BMPR1A: variants seen among roughly 807,000 people sequenced by gnomAD.
BMPR1A encodes the protein bone morphogenetic protein receptor type-1A.
Under a neutral mutation model 66.0 loss-of-function variants are expected in BMPR1A, and 7 were observed. The ratio of observed to expected loss-of-function variants is 0.11; its 90% CI spans 0.06 to 0.20. BMPR1A has a LOEUF of 0.20. BMPR1A is among the 10% of genes least tolerant of loss of function. The pLI, the probability that BMPR1A is intolerant of heterozygous loss-of-function variation, is 1.00. For synonymous variants in BMPR1A, 200 were observed against 229.7 expected (o/e 0.87, Z 1.17); for missense variants, 408 against 669.1 (o/e 0.61, Z 4.31).
chr10:86,877,345 T>C (rs7071962), intron 3 of BMPR1A, among the ~76,000 whole-genome samples: 38,760 of 151,546 alleles, frequency 0.26, 8,548 homozygotes, highest in African/African-American at 0.6. Flanking sequence ...GTAGCTGGGA[T>C]TACAGGCGCC....
chr10:86,760,616 A>G (rs1329775365), intron 1 of BMPR1A, among the ~76,000 whole-genome samples: 1 of 152,130 alleles, frequency 6.6e-6, no homozygotes, highest in Non-Finnish European at 1.5e-5. Context: ...TTGCATATTA[A>G]AAGGAATAAA....
chr10:86,778,245 G>T (rs1040498588), intron 1 of BMPR1A, among the ~76,000 whole-genome samples: 3 of 150,820 alleles, frequency 2.0e-5, no homozygotes, highest in African/African-American at 7.3e-5. Flanking sequence ...TTTTTTTTTG[G>T]TAGCTCATCA....
At chr10:86,877,411 G>A (rs911933301) in intron 3 of BMPR1A, among the ~76,000 whole-genome samples, 3 of 152,142 alleles carry the variant, frequency 2.0e-5, no homozygotes, top group Admixed American at 1.3e-4. Flanking sequence ...GTTTCACCGT[G>A]TTAGCCAGGA....
At chr10:86,772,604 T>G (rs1418258821) in intron 1 of BMPR1A, among the ~76,000 whole-genome samples, 1 of 152,082 alleles carries the variant, frequency 6.6e-6, no homozygotes, top group Non-Finnish European at 1.5e-5. Context: ...TGAAAGTGAT[T>G]AAGTCCATCT....
At chr10:86,821,782 C>G (rs1401505865) in intron 1 of BMPR1A, among the ~76,000 whole-genome samples, 2 of 151,748 alleles carry the variant, frequency 1.3e-5, no homozygotes, top group Non-Finnish European at 2.9e-5. Context: ...TTTTTTCTCC[C>G]CCCTCCCCCT....
In BMPR1A at chr10:86,870,251, C is replaced by T. The variant is rs1415962418; in HGVS notation, c.-152-5616C>T. 2.0e-5 allele frequency among the ~76,000 whole-genome samples: 3 copies of T among 152,310 alleles called. No individual in the cohort carries two copies. The East Asian group carries it at 5.8e-4, about 29-fold the overall frequency. ...GTTTCAGAACCAAATGCCCGTTAGA[C>T]ATTCCCTTTGGGTAATCTCAGATCT... On this transcript the variant is annotated intron_variant, in intron 2 of 12. Transcript: ENST00000372037.
At chr10:86,803,023 A>G (rs1841834026) in intron 1 of BMPR1A, among the ~76,000 whole-genome samples, 1 of 136,906 alleles carries the variant, frequency 7.3e-6, no homozygotes, top group Non-Finnish European at 1.6e-5. Context: ...AAAAAAAAAA[A>G]AGACCCTAAG....
At chr10:86,870,323 T>C (rs992801296) in intron 2 of BMPR1A, among the ~76,000 whole-genome samples, 2 of 152,198 alleles carry the variant, frequency 1.3e-5, no homozygotes, top group African/African-American at 4.8e-5. Flanking sequence ...AATCACTCAT[T>C]CCCATTTCAA....
chr10:86,768,867 C>G (rs1841207007), intron 1 of BMPR1A, among the ~76,000 whole-genome samples: 1 of 152,200 alleles, frequency 6.6e-6, no homozygotes. Flanking sequence ...TAATGGTCCT[C>G]TCTCTCAGGG....
chr10:86,797,247 T>TTTG (rs1372738374), intron 1 of BMPR1A, among the ~76,000 whole-genome samples: 2 of 124,928 alleles, frequency 1.6e-5, no homozygotes, highest in East Asian at 6.0e-4. Flanking sequence ...TTTTTTTTTT[T>TTTG]TGAGACGGAG....
chr10:86,781,431 C>T (rs1239241674), intron 1 of BMPR1A, among the ~76,000 whole-genome samples: 1 of 152,166 alleles, frequency 6.6e-6, no homozygotes, highest in African/African-American at 2.4e-5. Flanking sequence ...TTGGTTACTA[C>T]AGCCTTGTAG....
chr10:86,869,650 G>A (rs1842829608), intron 2 of BMPR1A, among the ~76,000 whole-genome samples: 2 of 151,954 alleles, frequency 1.3e-5, no homozygotes, highest in Non-Finnish European at 1.5e-5. Context: ...TCAGCTACTC[G>A]GGATGCTGAG....
At chr10:86,862,537 A>G (rs940401345) in intron 2 of BMPR1A, among the ~76,000 whole-genome samples, 4 of 152,142 alleles carry the variant, frequency 2.6e-5, no homozygotes, top group African/African-American at 4.8e-5. Flanking sequence ...CTGTGTTGCA[A>G]ATCCATAGTG....
intron 7 of BMPR1A, among the ~76,000 whole-genome samples, chr10:86,900,644 A>G (rs1160069541): frequency 6.6e-6 from 1 of 152,216 alleles, no homozygotes; most frequent in South Asian, 2.1e-4. Flanking sequence ...ACATACAGCA[A>G]TTTAGCATAT....
intron 1 of BMPR1A, among the ~76,000 whole-genome samples, chr10:86,825,479 G>GTA (rs1842181221): frequency 6.6e-6 from 1 of 151,628 alleles, no homozygotes; most frequent in African/African-American, 2.4e-5. Context: ...TTGTTTGTGT[G>GTA]TGTGTGTGTG....
chr10:86,831,049 CTTTT>C (rs1564697707), intron 1 of BMPR1A, among the ~76,000 whole-genome samples: 1 of 152,148 alleles, frequency 6.6e-6, no homozygotes, highest in East Asian at 1.9e-4. Context: ...TGAACCAGTT[CTTTT>C]TATGGCTTCG....
chr10:86,760,324 G>C (rs376899317), intron 1 of BMPR1A, among the ~76,000 whole-genome samples: 1 of 133,868 alleles, frequency 7.5e-6, no homozygotes, highest in East Asian at 2.4e-4. Flanking sequence ...CGTGAGCTCA[G>C]CTCATTGCAA....
At chr10:86,766,917 G>A (rs890035613) in intron 1 of BMPR1A, among the ~76,000 whole-genome samples, 3 of 150,760 alleles carry the variant, frequency 2.0e-5, no homozygotes, top group Middle Eastern at 3.4e-3. Flanking sequence ...TCTGCCTCCC[G>A]GATTCAAGTG....
intron 1 of BMPR1A, among the ~76,000 whole-genome samples, chr10:86,765,901 TC>T (rs1403908128): frequency 3.3e-5 from 5 of 152,044 alleles, no homozygotes; most frequent in Admixed American, 2.0e-4. Context: ...TAAAATGGGG[TC>T]ATACGATACA....
Sources: gnomAD v4.1 joint callset for allele counts (sites outside exome capture counted in the v4.1 genomes callset) on GRCh38, gnomAD v4.1.1 for gene constraint, MANE v1.5 for transcripts, NCBI Gene and HGNC (gene_info 2026-07-23, HGNC 2026-07-21) for gene names.